The following LSM7 variants were observed in gnomAD, a reference collection of about 807,000 sequenced individuals.
LSM7 encodes U6 snRNA-associated Sm-like protein LSm7.
Under a neutral mutation model 14.1 loss-of-function variants are expected in LSM7, and 13 were observed. The observed-to-expected ratio is 0.92, with a 90% CI of 0.60 to 1.47. LSM7 has a LOEUF of 1.47. Among genes scored for constraint, LSM7 ranks in the 40% most tolerant of loss-of-function variants. The pLI is 0.00. For synonymous variants in LSM7, 70 were observed against 57.1 expected, an observed-to-expected ratio of 1.23 and a Z score of -1.02; for missense variants, 108 against 140.8, an observed-to-expected ratio of 0.77 and a Z score of 1.18.
rs1599177420 is a variant in LSM7 at position 2,321,844 on chromosome 19, G to A, written c.170-22C>T. 7.1e-7 allele frequency: 1 copy of A among 1,411,264 alleles called. No individual in the cohort carries two copies. The highest frequency in any genetic ancestry group is 2.8e-5 in the East Asian group (1 of 35,286). 87.4% of individuals were successfully genotyped at this position (1,411,264 alleles called of 1,614,324 possible). A position where few individuals can be genotyped will look rare whatever the true frequency, so the allele number is the denominator to read the frequency against. ...GGGTCTGGGGAGGAGCAGATAGAGAGGACTGAGGGACCTCCAGGAAGCCTC... is the reference window on the plus strand; with the variant it reads ...GGGTCTGGGGAGGAGCAGATAGAGAAGACTGAGGGACCTCCAGGAAGCCTC... On this transcript the variant is annotated intron_variant, in intron 3 of 3. Transcript: ENST00000252622. This position sits in a 1 kb window ranked among gnomAD's most constrained non-coding sequence, Gnocchi z 5.0.
chr19:2,323,640 C>T (rs950034105), intron 3 of LSM7, among the ~76,000 whole-genome samples: 44 of 152,112 alleles, frequency 2.9e-4, no homozygotes, highest in African/African-American at 8.9e-4. Context: ...TTAGCGGAGA[C>T]GGGGTTTCAC....
intron 2 of LSM7, among the ~76,000 whole-genome samples, chr19:2,325,705 G>A (rs1968004154): frequency 2.0e-5 from 3 of 152,168 alleles, no homozygotes; most frequent in South Asian, 4.1e-4. Flanking sequence ...CCTGCCCGCC[G>A]CTCCTCTCTG....
In LSM7 at chr19:2,321,931, C is replaced by T; in HGVS notation, c.170-109G>A. On this transcript the variant is annotated intron_variant, in intron 3 of 3. Coordinates refer to ENST00000252622, the MANE Select transcript of LSM7 (RefSeq NM_016199.3). This position sits in a 1 kb window ranked among gnomAD's most constrained non-coding sequence, Gnocchi z 5.0. The stretch of plus-strand genomic sequence containing the variant: ...CTCCCCACCTGCACCCTGCAGGCGC[C>T]ACGAGCACGCAGGGACCTCAGACGG... 9.5e-7 allele frequency: 1 copy of T among 1,053,846 alleles called. No individual in the cohort carries two copies. Among genetic ancestry groups the T allele is most frequent in the Non-Finnish European group, 1.3e-6 (1 of 798,070 alleles). The allele number at this position is 1,053,846 out of a possible 1,614,324, so 65.3% of individuals were successfully genotyped here. A position where few individuals can be genotyped will look rare whatever the true frequency, so the allele number is the denominator to read the frequency against.
intron 2 of LSM7, 28 bp downstream of exon 2, chr19:2,328,359 G>C (rs768257012): frequency 4.4e-6 from 7 of 1,599,592 alleles, no homozygotes; most frequent in East Asian, 2.2e-5. Context: ...TTTTAAAGAG[G>C]GGGTACCGAC....
chr19:2,325,959 C>A (rs1345826678), intron 2 of LSM7: 1 of 152,404 alleles, frequency 6.6e-6, no homozygotes, highest in African/African-American at 2.4e-5. Flanking sequence ...TCAAGTCCCT[C>A]CCCTGCAAAA....
At chr19:2,323,248 C>T (rs1226535579) in intron 3 of LSM7, among the ~76,000 whole-genome samples, 3 of 152,086 alleles carry the variant, frequency 2.0e-5, no homozygotes, top group South Asian at 2.1e-4. Context: ...AGGGACCCTG[C>T]GTTCATAGCG....
At chr19:2,326,344 G>GTGTT (rs914761198) in intron 2 of LSM7, among the ~76,000 whole-genome samples, 1 of 129,364 alleles carries the variant, frequency 7.7e-6, no homozygotes, top group African/African-American at 2.9e-5. Flanking sequence ...GTGTGTGTGT[G>GTGTT]TGTGTGTGTG....
At chr19:2,327,190 G>A (rs1231499392) in intron 2 of LSM7, among the ~76,000 whole-genome samples, 1 of 152,224 alleles carries the variant, frequency 6.6e-6, no homozygotes, top group Non-Finnish European at 1.5e-5. Context: ...CAGCAAGAGC[G>A]GCCGCTCACT....
intron 2 of LSM7, among the ~76,000 whole-genome samples, chr19:2,326,337 T>TGTGTGC (rs1240707237): frequency 1.3e-5 from 2 of 151,260 alleles, no homozygotes; most frequent in East Asian, 1.9e-4. Context: ...TGTGTGTGTG[T>TGTGTGC]GTGTGTGTGT....
At position 2,321,874 on chromosome 19, in the gene LSM7, A is replaced by ACCCCCCCCCCCCCCCACACCCCCCCCCC; in HGVS notation, c.170-53_170-52insGGGGGGGGGGTGTGGGGGGGGGGGGGGG. 1 of 1,341,216 alleles carries ACCCCCCCCCCCCCCCACACCCCCCCCCC rather than the reference A, an allele frequency of 7.5e-7. No individual in the cohort carries two copies. The highest frequency in any genetic ancestry group is 9.6e-7 in the Non-Finnish European group (1 of 1,039,452). 83.1% of individuals were successfully genotyped at this position (1,341,216 alleles called of 1,614,324 possible). ...GAGGGACCTCCAGGAAGCCTCCGAG[A>ACCCCCCCCCCCCCCCACACCCCCCCCCC]CCCCCCACCCACCCAAGACCCTCGC... On this transcript the variant is annotated intron_variant, in intron 3 of 3. Coordinates refer to ENST00000252622, the MANE Select transcript of LSM7 (RefSeq NM_016199.3). This position sits in a 1 kb window ranked among gnomAD's most constrained non-coding sequence, Gnocchi z 5.0.
chr19:2,324,196 G>T lies in LSM7; in HGVS notation c.98C>A (p.Ala33Asp). Residue 33 changes from alanine (A) to aspartate (D), a missense_variant and splice_region_variant, in exon 3 of 4, where the codon GCC becomes GAC. Ala to Asp is a moderately radical substitution (Grantham distance 126). Transcript: ENST00000252622. ...GTCGAAGCCCTTCAGGATTCCACTG[G>T]CTTGGAGAAATCACCGGGGGAGAGA... is the stretch of plus-strand genomic sequence containing the variant. ...IRVKFQGGRE[A>D]SGILKGFDPL... The T allele has an allele frequency of 6.3e-7, 1 of 1,576,632 alleles. No individual in the cohort carries two copies.
chr19:2,324,733 A>C (rs1967988386), intron 2 of LSM7: 1 of 157,918 alleles, frequency 6.3e-6, no homozygotes, highest in Admixed American at 6.2e-5. Context: ...GATGCGCCTG[A>C]GGACGCACCT....
chr19:2,322,035 C>T (rs1033366013), intron 3 of LSM7, among the ~76,000 whole-genome samples: 1 of 152,234 alleles, frequency 6.6e-6, no homozygotes, highest in Admixed American at 6.5e-5. Flanking sequence ...GCTCCACAGA[C>T]AGCAGCCACA....
chr19:2,321,833 G>C lies in LSM7; in HGVS notation c.170-11C>G, dbSNP rs1404325132. ...ACTGGTCGTCAGGGTCTGGGGAGGA[G>C]CAGATAGAGAGGACTGAGGGACCTC... On this transcript the variant is annotated splice_polypyrimidine_tract_variant and intron_variant, in intron 3 of 3. Transcript: ENST00000252622. This position sits in a 1 kb window ranked among gnomAD's most constrained non-coding sequence, Gnocchi z 5.0. 3 of 1,446,528 alleles carry C rather than the reference G, an allele frequency of 2.1e-6. No homozygotes were observed. The South Asian group carries it at 4.4e-5, about 21-fold the overall frequency. The allele number at this position is 1,446,528 out of a possible 1,614,324, so 89.6% of individuals were successfully genotyped here.
chr19:2,322,157 C>T, intron 3 of LSM7, among the ~76,000 whole-genome samples: 1 of 152,190 alleles, frequency 6.6e-6, no homozygotes, highest in Non-Finnish European at 1.5e-5. Context: ...ACCAGGTTAT[C>T]AGATGGCCGG....
chr19:2,321,755 C>T lies in LSM7; in HGVS notation c.237G>A (p.Thr79=), dbSNP rs201627684. The change falls in exon 4 of 4, where the codon ACG becomes ACA. Residue 79 remains threonine, a synonymous_variant. Coordinates refer to ENST00000252622, the MANE Select transcript of LSM7 (RefSeq NM_016199.3). This position sits in a 1 kb window ranked among gnomAD's most constrained non-coding sequence, Gnocchi z 5.0. ...CCTGCGGGCAGATTAGCACCACGGA[C>T]GTGCCCCGGCACACCACGAGGCCCA... ...RQLGLVVCRG[T]SVVLICPQDG... 2.9e-5 allele frequency: 46 copies of T among 1,562,118 alleles called. No homozygotes were observed. In the East Asian group the frequency reaches 3.9e-4, roughly 13 times the overall value.
chr19:2,326,107 C>A (rs947672171), intron 2 of LSM7: 1 of 152,214 alleles, frequency 6.6e-6, no homozygotes. Context: ...CCAAGGTGCC[C>A]CTCCTCTGGA....
intron 3 of LSM7, among the ~76,000 whole-genome samples, chr19:2,323,359 C>T (rs917750700): frequency 3.3e-5 from 5 of 152,218 alleles, no homozygotes; most frequent in African/African-American, 7.2e-5. Context: ...CCACAGCTCA[C>T]GCCTGGAACC....
chr19:2,324,079 C>A, intron 3 of LSM7, 46 bp downstream of exon 3: 2 of 1,407,064 alleles, frequency 1.4e-6, no homozygotes, highest in Non-Finnish European at 1.9e-6. Flanking sequence ...CCTCACCCCA[C>A]TATCCCCCTC....
Sources: gnomAD v4.1 joint callset for allele counts (sites outside exome capture counted in the v4.1 genomes callset) on GRCh38, gnomAD v4.1.1 for gene constraint, Gnocchi (gnomAD v3.1) non-coding constraint, MANE v1.5 for transcripts, NCBI Gene and HGNC (gene_info 2026-07-23, HGNC 2026-07-21) for gene names.